Variants in REEP1 observed in about 807,000 individuals in gnomAD.
REEP1 encodes receptor expression-enhancing protein 1.
In REEP1, 22 loss-of-function variants were observed where a neutral mutation model predicts 40.3. The ratio of observed to expected loss-of-function variants is 0.55; its 90% CI spans 0.39 to 0.78. REEP1 has a LOEUF of 0.78. Ranked by LOEUF, REEP1 falls within the 30% of genes least tolerant of loss-of-function variation. The pLI is 0.00. For missense variants in REEP1, 280 were observed against 361.1 expected (o/e 0.78, Z 1.82); for synonymous variants, 116 against 139.2 (o/e 0.83, Z 1.17).
chr2:86,274,536 A>G (rs183370000), intron 2 of REEP1, among the ~76,000 whole-genome samples: 2 of 152,346 alleles, frequency 1.3e-5, no homozygotes, highest in Admixed American at 6.5e-5. Context: ...ATAGCCATCT[A>G]AAATTACTAG....
chr2:86,264,257 C>T (rs996042507), intron 2 of REEP1, among the ~76,000 whole-genome samples: 3 of 152,136 alleles, frequency 2.0e-5, no homozygotes, highest in African/African-American at 7.2e-5. Context: ...CTGACTCAGG[C>T]TGAAGGTCAT....
At chr2:86,257,513 C>T (rs1676628269) in intron 3 of REEP1, among the ~76,000 whole-genome samples, 1 of 152,130 alleles carries the variant, frequency 6.6e-6, no homozygotes. Flanking sequence ...TGAGTTGCCC[C>T]CAACACACAG....
chr2:86,304,393 C>T (rs1191091861), intron 1 of REEP1, among the ~76,000 whole-genome samples: 1 of 152,154 alleles, frequency 6.6e-6, no homozygotes, highest in African/African-American at 2.4e-5. Flanking sequence ...GGTTCAGCTG[C>T]CCGAACTCTG....
At chr2:86,217,183 G>T (rs1381470700) in intron 8 of REEP1, 73 bp from the exon 9 acceptor site, 7 of 1,335,848 alleles carry the variant, frequency 5.2e-6, no homozygotes, top group Non-Finnish European at 1.1e-6. Context: ...GCACCTGGAA[G>T]GCATTGTGTT....
chr2:86,220,575 A>G (rs1219493956), intron 7 of REEP1, among the ~76,000 whole-genome samples: 2 of 152,226 alleles, frequency 1.3e-5, no homozygotes, highest in Non-Finnish European at 2.9e-5. Flanking sequence ...TCTATGTTGT[A>G]CATACAAGCC....
chr2:86,234,092 TA>T (rs1263645835), intron 5 of REEP1, among the ~76,000 whole-genome samples: 3 of 150,970 alleles, frequency 2.0e-5, no homozygotes, highest in Admixed American at 6.6e-5. Flanking sequence ...ATATAAAAAA[TA>T]ATGAAAATGA....
At chr2:86,234,315 C>T (rs933999528) in intron 5 of REEP1, among the ~76,000 whole-genome samples, 2 of 152,012 alleles carry the variant, frequency 1.3e-5, no homozygotes, top group East Asian at 1.9e-4. Flanking sequence ...TCCAGGAGTT[C>T]GAGACCAGCC....
intron 2 of REEP1, among the ~76,000 whole-genome samples, chr2:86,281,335 G>T (rs1420308312): frequency 6.6e-6 from 1 of 152,174 alleles, no homozygotes; most frequent in Non-Finnish European, 1.5e-5. Context: ...ATGTGCTACA[G>T]GAAACAGATA....
At chr2:86,266,664 T>TA (rs1677156677) in intron 2 of REEP1, among the ~76,000 whole-genome samples, 1 of 146,478 alleles carries the variant, frequency 6.8e-6, no homozygotes, top group Non-Finnish European at 1.5e-5. Flanking sequence ...AAAAATAAAA[T>TA]AAATAAATAA....
rs1296440637 is a variant in REEP1, at chr2:86,270,170, CTTTTGTTTG to C, written c.106-6138_106-6130del. Among the ~76,000 whole-genome samples, 6 of 139,008 alleles carry C rather than the reference CTTTTGTTTG, an allele frequency of 4.3e-5. No homozygotes were observed. In the East Asian group the frequency reaches 1.2e-3, roughly 29 times the overall value. 91.2% of individuals were successfully genotyped at this position (139,008 alleles called of 152,430 possible). A position where few individuals can be genotyped will look rare whatever the true frequency, so the allele number is the denominator to read the frequency against. On this transcript the variant is annotated intron_variant, in intron 2 of 8. Coordinates refer to ENST00000538924, the MANE Select transcript of REEP1 (RefSeq NM_001371279.1). ...AAAGGATGCGTTCAGTATCATTTTTCTTTTGTTTGTTTGTTTGTTTGTTTGTTTGTTTGT... is the reference window on the plus strand; with the variant it reads ...AAAGGATGCGTTCAGTATCATTTTTCTTTGTTTGTTTGTTTGTTTGTTTGT...
chr2:86,222,052 T>C (rs1208812453), intron 7 of REEP1, among the ~76,000 whole-genome samples: 1 of 152,180 alleles, frequency 6.6e-6, no homozygotes, highest in East Asian at 1.9e-4. Context: ...CTGATGGTTG[T>C]GGGTGTCAGA....
intron 3 of REEP1, 34 bp downstream of exon 3, chr2:86,263,931 T>C (rs1204824640): frequency 1.3e-6 from 2 of 1,547,470 alleles, no homozygotes; most frequent in Non-Finnish European, 1.8e-6. Flanking sequence ...AGCAAAATTG[T>C]CCTTAGAAAC....
At chr2:86,292,365 A>C (rs1678757854) in intron 1 of REEP1, among the ~76,000 whole-genome samples, 1 of 152,234 alleles carries the variant, frequency 6.6e-6, no homozygotes, top group Admixed American at 6.5e-5. Context: ...TTTTTCATTC[A>C]ATCATTAAAT....
At chr2:86,245,333 G>A (rs940911794) in intron 5 of REEP1, among the ~76,000 whole-genome samples, 2 of 152,174 alleles carry the variant, frequency 1.3e-5, no homozygotes, top group Admixed American at 6.5e-5. Context: ...TGCTCAGAGC[G>A]AGACCTGCTC....
intron 1 of REEP1, among the ~76,000 whole-genome samples, chr2:86,299,958 A>G (rs1354708028): frequency 6.6e-6 from 1 of 152,198 alleles, no homozygotes; most frequent in Non-Finnish European, 1.5e-5. Context: ...TCCTTCTGTG[A>G]GTGGAGAATC....
At chr2:86,264,618 T>C (rs1677045857) in intron 2 of REEP1, among the ~76,000 whole-genome samples, 1 of 152,148 alleles carries the variant, frequency 6.6e-6, no homozygotes, top group South Asian at 2.1e-4. Context: ...CCCAAAAGTA[T>C]AAACTCATCA....
intron 1 of REEP1, among the ~76,000 whole-genome samples, chr2:86,331,954 T>C (rs1290964263): frequency 6.6e-6 from 1 of 152,108 alleles, no homozygotes; most frequent in Non-Finnish European, 1.5e-5. Context: ...CTGGTCTGGG[T>C]ACCCACGCAT....
intron 1 of REEP1, among the ~76,000 whole-genome samples, chr2:86,324,533 T>C (rs1239481310): frequency 6.6e-6 from 1 of 152,162 alleles, no homozygotes; most frequent in African/African-American, 2.4e-5. Flanking sequence ...TCGCACCCAC[T>C]GCTGAAAGAA....
intron 1 of REEP1, among the ~76,000 whole-genome samples, chr2:86,293,849 C>T (rs1030228104): frequency 1.3e-5 from 2 of 152,142 alleles, no homozygotes; most frequent in African/African-American, 4.8e-5. Flanking sequence ...TATTTGCATA[C>T]CCATGTTCAT....
Sources: gnomAD v4.1 joint callset for allele counts (sites outside exome capture counted in the v4.1 genomes callset) on GRCh38, gnomAD v4.1.1 for gene constraint, MANE v1.5 for transcripts, NCBI Gene and HGNC (gene_info 2026-07-23, HGNC 2026-07-21) for gene names.